Variants in VAMP7 observed in about 807,000 individuals in gnomAD.
The protein encoded by VAMP7 is vesicle associated membrane protein 7.
In VAMP7, 14 loss-of-function variants were observed where a neutral mutation model predicts 29.6. That is an observed-to-expected ratio of 0.47 (90% CI 0.31 to 0.74). The LOEUF (loss-of-function observed/expected upper bound fraction) is 0.74, where lower values mean the gene tolerates loss of function less well. VAMP7 is among the 30% of genes least tolerant of loss of function. The pLI is 0.05. For missense variants in VAMP7, 223 were observed against 262.4 expected (o/e 0.85, Z 1.04); for synonymous variants, 95 against 88.1 (o/e 1.08, Z -0.44).
At chrX:155,902,135 C>T (rs768955691) in intron 5 of VAMP7, among the ~76,000 whole-genome samples, 107 of 152,078 alleles carry the variant, frequency 7.0e-4, no homozygotes, top group African/African-American at 2.3e-3. Flanking sequence ...TTTGAAGCAA[C>T]TGTGAATGGG....
chrX:155,907,802 C>T (rs752816754), intron 5 of VAMP7, among the ~76,000 whole-genome samples: 9 of 152,286 alleles, frequency 5.9e-5, no homozygotes, highest in Non-Finnish European at 1.0e-4. Flanking sequence ...ACCTCCCAGA[C>T]GGGGCGGCTG....
At chrX:155,912,762 G>T (rs757026491) in intron 5 of VAMP7, among the ~76,000 whole-genome samples, 1 of 152,156 alleles carries the variant, frequency 6.6e-6, no homozygotes, top group East Asian at 1.9e-4. Context: ...GTCTATCATT[G>T]TTGGGCATTT....
At chrX:155,901,199 A>C (rs967495) in intron 5 of VAMP7, among the ~76,000 whole-genome samples, 7 of 151,804 alleles carry the variant, frequency 4.6e-5, no homozygotes, top group African/African-American at 1.7e-4. Context: ...ATTAATTATC[A>C]GGAATGGGAT....
chrX:155,898,596 T>G (rs1207590978), intron 4 of VAMP7, among the ~76,000 whole-genome samples: 1 of 152,046 alleles, frequency 6.6e-6, no homozygotes, highest in Non-Finnish European at 1.5e-5. Flanking sequence ...TGAGGGAAAT[T>G]TAATTTTCTA....
intron 6 of VAMP7, among the ~76,000 whole-genome samples, chrX:155,934,717 T>C (rs973899380): frequency 2.0e-5 from 3 of 152,160 alleles, no homozygotes; most frequent in African/African-American, 7.2e-5. Context: ...GTTGATACTG[T>C]TATGTGTGAA....
chrX:155,916,939 C>A (rs1211604300), intron 5 of VAMP7, among the ~76,000 whole-genome samples: 2 of 152,088 alleles, frequency 1.3e-5, no homozygotes, highest in Non-Finnish European at 2.9e-5. Context: ...TGGTTAATAT[C>A]CTAAAGAATG....
intron 5 of VAMP7, among the ~76,000 whole-genome samples, chrX:155,910,673 A>G (rs1174986340): frequency 6.7e-6 from 1 of 149,110 alleles, no homozygotes; most frequent in Admixed American, 6.7e-5. Context: ...ATGATATCTC[A>G]TTTTGGCTTT....
At chrX:155,902,539 T>A (rs1418080653) in intron 5 of VAMP7, among the ~76,000 whole-genome samples, 1 of 150,720 alleles carries the variant, frequency 6.6e-6, no homozygotes, top group Non-Finnish European at 1.5e-5. Context: ...TTGAGATACA[T>A]CCCATCAATA....
At chrX:155,903,579 T>C (rs2066101013) in intron 5 of VAMP7, among the ~76,000 whole-genome samples, 1 of 152,024 alleles carries the variant, frequency 6.6e-6, no homozygotes, top group Non-Finnish European at 1.5e-5. Flanking sequence ...AGAAGACATT[T>C]ATGCAGCCAA....
chrX:155,929,111 T>C (rs892528221), intron 6 of VAMP7, among the ~76,000 whole-genome samples: 3 of 152,324 alleles, frequency 2.0e-5, no homozygotes, highest in Non-Finnish European at 4.4e-5. Context: ...CAAAATTCTC[T>C]GAATATTGCT....
intron 4 of VAMP7, 25 bp downstream of exon 4, chrX:155,898,274 A>G (rs1005264613): frequency 1.2e-6 from 2 of 1,607,510 alleles, no homozygotes; most frequent in African/African-American, 1.3e-5. Flanking sequence ...AGGATAAGGT[A>G]TTTTGATTTA....
At chrX:155,900,894 T>A (rs1016132758) in intron 5 of VAMP7, among the ~76,000 whole-genome samples, 1 of 152,114 alleles carries the variant, frequency 6.6e-6, no homozygotes, top group Non-Finnish European at 1.5e-5. Context: ...TGAGTTAATG[T>A]ATCACGGGTT....
At chrX:155,908,346 TAGC>T (rs1569441669) in intron 5 of VAMP7, among the ~76,000 whole-genome samples, 1 of 152,172 alleles carries the variant, frequency 6.6e-6, no homozygotes, top group Non-Finnish European at 1.5e-5. Flanking sequence ...CACTCGCGGT[TAGC>T]AGCTGGAGAC....
At chrX:155,917,797 TGAG>T (rs1043848795) in intron 5 of VAMP7, among the ~76,000 whole-genome samples, 1 of 152,110 alleles carries the variant, frequency 6.6e-6, no homozygotes, top group African/African-American at 2.4e-5. Flanking sequence ...GGGACCCACT[TGAG>T]GAGGCAGTCT....
chrX:155,916,140 G>C (rs993959750), intron 5 of VAMP7, among the ~76,000 whole-genome samples: 3 of 151,994 alleles, frequency 2.0e-5, no homozygotes, highest in Non-Finnish European at 2.9e-5. Context: ...GATCTTTGTT[G>C]GTTTAAAGTC....
intron 7 of VAMP7, among the ~76,000 whole-genome samples, chrX:155,941,213 T>A (rs1323486265): frequency 6.6e-6 from 1 of 152,134 alleles, no homozygotes; most frequent in African/African-American, 2.4e-5. Context: ...GTTTAAAATC[T>A]ATTTTTTGTG....
chrX:155,926,879 A>C (rs1210249300), intron 6 of VAMP7, among the ~76,000 whole-genome samples: 1 of 152,112 alleles, frequency 6.6e-6, no homozygotes, highest in Non-Finnish European at 1.5e-5. Context: ...TGTCTCGGCA[A>C]ATAGGGAGGC....
At chrX:155,914,043 G>C (rs766133471) in intron 5 of VAMP7, among the ~76,000 whole-genome samples, 1 of 152,258 alleles carries the variant, frequency 6.6e-6, no homozygotes, top group African/African-American at 2.4e-5. Context: ...TCCTTGAGCA[G>C]TGGTTTGTCA....
chrX:155,911,451 AT>A (rs1376848625), intron 5 of VAMP7, among the ~76,000 whole-genome samples: 4 of 152,062 alleles, frequency 2.6e-5, no homozygotes, highest in Non-Finnish European at 5.9e-5. Flanking sequence ...GGTTCCTGAA[AT>A]ACTAATTTTA....
Sources: gnomAD v4.1 joint callset for allele counts (sites outside exome capture counted in the v4.1 genomes callset) on GRCh38, gnomAD v4.1.1 for gene constraint, MANE v1.5 for transcripts, NCBI Gene and HGNC (gene_info 2026-07-23, HGNC 2026-07-21) for gene names.